WDPCP: variants seen among roughly 807,000 people sequenced by gnomAD.
The protein encoded by WDPCP is WD repeat containing planar cell polarity effector.
WDPCP carries 71 observed loss-of-function variants against 93.1 expected under a neutral mutation model. The ratio of observed to expected loss-of-function variants is 0.76; its 90% CI spans 0.63 to 0.93. The LOEUF (loss-of-function observed/expected upper bound fraction) is 0.93. WDPCP is among the 40% of genes least tolerant of loss of function. The pLI is 0.00. For missense variants in WDPCP, 844 were observed against 887.4 expected (o/e 0.95, Z 0.62); for synonymous variants, 315 against 315.0 (o/e 1.00, Z 0.00).
At chr2:63,341,279 C>T (rs1688816128) in intron 12 of WDPCP, among the ~76,000 whole-genome samples, 1 of 152,164 alleles carries the variant, frequency 6.6e-6, no homozygotes, top group Non-Finnish European at 1.5e-5. Flanking sequence ...CAGGAGCGCA[C>T]CACCATGCCC....
intron 2 of WDPCP, among the ~76,000 whole-genome samples, chr2:63,712,300 A>G (rs573288854): frequency 6.6e-6 from 1 of 152,346 alleles, no homozygotes; most frequent in East Asian, 1.9e-4. Context: ...AAATATTGCC[A>G]TGAGTTACCA....
chr2:63,404,452 C>A lies in WDPCP; in HGVS notation c.1031G>T (p.Cys344Phe). 1 of 1,614,152 alleles carries A rather than the reference C, an allele frequency of 6.2e-7. No homozygotes were observed. Among genetic ancestry groups the A allele is most frequent in the Non-Finnish European group, 8.5e-7 (1 of 1,180,028 alleles). Residue 344 changes from cysteine to phenylalanine, a missense_variant, in exon 10 of 18, where the codon TGC becomes TTC. Cys to Phe is a radical substitution (Grantham distance 205). Coordinates refer to ENST00000272321, the MANE Select transcript of WDPCP (RefSeq NM_015910.7). ...CAGTTTGTCTTCAGTAACATTCCTGCAGCAGCTGATGGCCTTTGACTTTAG... is the reference window on the plus strand; with the variant it reads ...CAGTTTGTCTTCAGTAACATTCCTGAAGCAGCTGATGGCCTTTGACTTTAG... ...IPLKSKAISC[C>F]RNVTEDKLIL...
chr2:63,406,145 G>C (rs1694566539), intron 9 of WDPCP, among the ~76,000 whole-genome samples: 1 of 152,060 alleles, frequency 6.6e-6, no homozygotes, highest in East Asian at 1.9e-4. Flanking sequence ...ATTGGGGAGG[G>C]GTGGGGAGTT....
intron 1 of WDPCP, among the ~76,000 whole-genome samples, chr2:63,509,339 T>C (rs1702076426): frequency 6.6e-6 from 1 of 152,116 alleles, no homozygotes; most frequent in South Asian, 2.1e-4. Flanking sequence ...GTCTACTGGG[T>C]AAATAACAAA....
intron 9 of WDPCP, among the ~76,000 whole-genome samples, chr2:63,414,070 G>A (rs1207813526): frequency 6.6e-6 from 1 of 151,864 alleles, no homozygotes; most frequent in Non-Finnish European, 1.5e-5. Context: ...ACAAACATAT[G>A]AAAAAATGCT....
At chr2:63,714,956 T>G (rs1258587769) in intron 2 of WDPCP, among the ~76,000 whole-genome samples, 1 of 152,214 alleles carries the variant, frequency 6.6e-6, no homozygotes, top group African/African-American at 2.4e-5. Context: ...AATTGTGATA[T>G]ATGTATACGA....
chr2:63,602,341 G>C (rs541248028), intron 3 of WDPCP, among the ~76,000 whole-genome samples: 292 of 117,792 alleles, frequency 2.5e-3, no homozygotes, highest in Non-Finnish European at 3.7e-3. Context: ...CGGTTGGTTG[G>C]TTGGGGTTTT....
chr2:63,389,145 C>G (rs189981419), intron 10 of WDPCP, among the ~76,000 whole-genome samples: 335 of 152,134 alleles, frequency 2.2e-3, no homozygotes, highest in African/African-American at 7.4e-3. Context: ...ACAGAAGCCA[C>G]AAAGAAAGGT....
At chr2:63,739,076 T>G (rs1372287456) in intron 2 of WDPCP, among the ~76,000 whole-genome samples, 1 of 152,212 alleles carries the variant, frequency 6.6e-6, no homozygotes, top group Non-Finnish European at 1.5e-5. Context: ...TGTGAAGGTT[T>G]GTTATATAGG....
chr2:63,493,520 T>C (rs1701022499), intron 1 of WDPCP, among the ~76,000 whole-genome samples: 1 of 151,642 alleles, frequency 6.6e-6, no homozygotes, highest in Admixed American at 6.6e-5. Flanking sequence ...CTGCATGTCA[T>C]GATGGATCCA....
chr2:63,429,290 A>T (rs948556630), intron 9 of WDPCP, among the ~76,000 whole-genome samples: 12 of 152,188 alleles, frequency 7.9e-5, no homozygotes, highest in African/African-American at 2.9e-4. Flanking sequence ...CTTAGCAAAG[A>T]ATTTATGGTA....
intron 2 of WDPCP, among the ~76,000 whole-genome samples, chr2:63,809,326 G>A (rs1283188585): frequency 2.2e-4 from 33 of 150,826 alleles, no homozygotes; most frequent in African/African-American, 5.8e-4. Flanking sequence ...CGCCCCGTCC[G>A]GGAGGTGAGG....
intron 14 of WDPCP, among the ~76,000 whole-genome samples, chr2:63,203,351 A>G (rs556141400): frequency 1.3e-5 from 2 of 152,290 alleles, no homozygotes; most frequent in Non-Finnish European, 2.9e-5. Flanking sequence ...AAAGTGTACA[A>G]TTAAATTATT....
intron 2 of WDPCP, among the ~76,000 whole-genome samples, chr2:63,663,377 G>T (rs1389445777): frequency 6.6e-6 from 1 of 152,192 alleles, no homozygotes; most frequent in African/African-American, 2.4e-5. Context: ...AAAACCAGTT[G>T]CATAATGTAC....
Position 63,581,994 on chromosome 2 carries a change from T to TA in WDPCP, c.75+6202dup, listed in dbSNP as rs748625052. 6.1e-3 allele frequency among the ~76,000 whole-genome samples: 819 copies of TA among 133,920 alleles called. 8 individuals carry two copies. The highest frequency in any genetic ancestry group is 0.018 in the East Asian group (86 of 4,714). 87.9% of individuals were successfully genotyped at this position (133,920 alleles called of 152,430 possible). A position where few individuals can be genotyped will look rare whatever the true frequency, so the allele number is the denominator to read the frequency against. On this transcript the variant is annotated intron_variant, in intron 1 of 17. Coordinates refer to ENST00000272321, the MANE Select transcript of WDPCP (RefSeq NM_015910.7). ...TGGGCAACAGAGCAAAACCCTATCT[T>TA]AAAAAAAAAAAAAAAGAAATGTAAT... is the stretch of plus-strand genomic sequence containing the variant.
At chr2:63,335,349 G>C (rs550876987) in intron 12 of WDPCP, among the ~76,000 whole-genome samples, 2 of 151,988 alleles carry the variant, frequency 1.3e-5, no homozygotes, top group South Asian at 4.2e-4. Context: ...CTCCTAAAAT[G>C]ATTGAGACTC....
At chr2:63,508,059 C>T (rs534927475) in intron 1 of WDPCP, among the ~76,000 whole-genome samples, 9 of 152,230 alleles carry the variant, frequency 5.9e-5, no homozygotes, top group African/African-American at 2.2e-4. Context: ...GACAGGCCAA[C>T]ATTCAAATTC....
At chr2:63,751,153 T>C (rs1245976351) in intron 2 of WDPCP, among the ~76,000 whole-genome samples, 1 of 152,198 alleles carries the variant, frequency 6.6e-6, no homozygotes, top group Non-Finnish European at 1.5e-5. Flanking sequence ...ATAGGACTAT[T>C]AATGTTTTTG....
chr2:63,649,883 C>T (rs1437782020), intron 3 of WDPCP, among the ~76,000 whole-genome samples: 2 of 152,084 alleles, frequency 1.3e-5, no homozygotes, highest in African/African-American at 4.8e-5. Context: ...GTTCAGAAAC[C>T]AAAGAGACAG....
Sources: gnomAD v4.1 joint callset for allele counts (sites outside exome capture counted in the v4.1 genomes callset) on GRCh38, gnomAD v4.1.1 for gene constraint, MANE v1.5 for transcripts, NCBI Gene and HGNC (gene_info 2026-07-23, HGNC 2026-07-21) for gene names.